Variants in RPL28 observed in about 807,000 individuals in gnomAD.
RPL28 encodes large ribosomal subunit protein eL28.
A neutral mutation model predicts 12.5 loss-of-function variants in RPL28; 4 were observed. The observed-to-expected ratio is 0.32, with a 90% CI of 0.16 to 0.73. The LOEUF (loss-of-function observed/expected upper bound fraction) is 0.73. Ranked by LOEUF, RPL28 falls within the 30% of genes least tolerant of loss-of-function variation. The pLI is 0.66. For missense variants in RPL28, 214 were observed against 197.7 expected, an observed-to-expected ratio of 1.08 and a Z score of -0.49; for synonymous variants, 91 against 72.5, an observed-to-expected ratio of 1.26 and a Z score of -1.30.
At chr19:55,397,854 A>G (rs1331192604) in intron 4 of RPL28, among the ~76,000 whole-genome samples, 1 of 152,040 alleles carries the variant, frequency 6.6e-6, no homozygotes, top group Admixed American at 6.6e-5. Flanking sequence ...CAACATAGTG[A>G]TACCGCATCT....
At position 55,387,146 on chromosome 19, in the gene RPL28, T is replaced by G. The variant is rs577944217; in HGVS notation, c.205+453T>G. 2.9e-5 allele frequency: 37 copies of G among 1,293,176 alleles called. No individual in the cohort carries two copies. The Admixed American group carries it at 3.4e-4, about 12-fold the overall frequency. The allele number at this position is 1,293,176 out of a possible 1,614,324, so 80.1% of individuals were successfully genotyped here. ...CCTGTGTAGGTTAGAGAAGAGGTCTTGGGGACCCCACTCCATACATTGTGC... is the reference window on the plus strand; with the variant it reads ...CCTGTGTAGGTTAGAGAAGAGGTCTGGGGGACCCCACTCCATACATTGTGC... On this transcript the variant is annotated intron_variant, in intron 3 of 4. Transcript: ENST00000344063.
In RPL28 at chr19:55,389,419, C is replaced by A. The variant is rs1569042137; in HGVS notation, c.*1087C>A. 1 of 985,302 alleles carries A rather than the reference C, an allele frequency of 1.0e-6. No homozygotes were observed. Among genetic ancestry groups the A allele is most frequent in the Admixed American group, 6.2e-5 (1 of 16,260 alleles). The allele number at this position is 985,302 out of a possible 1,614,324, so 61.0% of individuals were successfully genotyped here. A position where few individuals can be genotyped will look rare whatever the true frequency, so the allele number is the denominator to read the frequency against. ...TCACATGTTTCCTGGGCACCTAACT[C>A]TGTCAGCCACTGCCAGGGACCAAGG... On this transcript the variant is annotated 3_prime_UTR_variant, in exon 5 of 5. Transcript: ENST00000344063.
Position 55,389,825 on chromosome 19 carries a change from C to T in RPL28, c.*1493C>T, listed in dbSNP as rs542784510. ...TGGTACCTGCTCAGGACCCCCCGCA[C>T]TGTCCCAATCCCACTCAGGCCCACC... On this transcript the variant is annotated 3_prime_UTR_variant, in exon 5 of 5. Transcript: ENST00000344063. The T allele has an allele frequency of 1.9e-4, 191 of 984,650 alleles. No homozygotes were observed. Among genetic ancestry groups the T allele is most frequent in the Non-Finnish European group, 2.2e-4 (183 of 829,396 alleles). The allele number at this position is 984,650 out of a possible 1,614,324, so 61.0% of individuals were successfully genotyped here.
At chr19:55,395,730 A>G (rs369639789), downstream of RPL28, among the ~76,000 whole-genome samples, 22 of 152,188 alleles carry the variant, frequency 1.4e-4, no homozygotes, top group Middle Eastern at 3.4e-3. Context: ...GGCATGAGCC[A>G]CCGCGCCCAG....
chr19:55,389,769 A>G lies in RPL28; in HGVS notation c.*1437A>G. On this transcript the variant is annotated 3_prime_UTR_variant, in exon 5 of 5. Coordinates refer to ENST00000344063, the MANE Select transcript of RPL28 (RefSeq NM_000991.5). ...GTTGGGTCTATTAGCTCAGATTGAG[A>G]GGTGTTGCCTTAAAACTGAGTTGGG... 6.1e-6 allele frequency: 6 copies of G among 985,498 alleles called. No homozygotes were observed. The highest frequency in any genetic ancestry group is 7.2e-6 in the Non-Finnish European group (6 of 830,012). The allele number at this position is 985,498 out of a possible 1,614,324, so 61.0% of individuals were successfully genotyped here. A position where few individuals can be genotyped will look rare whatever the true frequency, so the allele number is the denominator to read the frequency against.
intron 3 of RPL28, chr19:55,387,191 T>TG: frequency 1.4e-6 from 2 of 1,380,724 alleles, no homozygotes; most frequent in Non-Finnish European, 2.0e-6. Context: ...CAGGCCTTTT[T>TG]GGGGATTCCC....
rs45583837 is a variant in RPL28, at chr19:55,391,176, A to G, written c.*2844A>G. 156 of 205,502 alleles carry G rather than the reference A, an allele frequency of 7.6e-4. No individual in the cohort carries two copies. The highest frequency in any genetic ancestry group is 1.3e-3 in the Non-Finnish European group (142 of 112,476). The allele number at this position is 205,502 out of a possible 1,614,324, so 12.7% of individuals were successfully genotyped here. A position where few individuals can be genotyped will look rare whatever the true frequency, so the allele number is the denominator to read the frequency against. ...GAAAGAACCTCCCCCAGGTCATCCT[A>G]TCCCCAAGAGTGATGCCCGGCAGCA... On this transcript the variant is annotated 3_prime_UTR_variant, in exon 5 of 5. Coordinates refer to ENST00000344063, the MANE Select transcript of RPL28 (RefSeq NM_000991.5).
chr19:55,396,404 A>G (rs922943287), downstream of RPL28, among the ~76,000 whole-genome samples: 1 of 150,758 alleles, frequency 6.6e-6, no homozygotes, highest in African/African-American at 2.4e-5. Flanking sequence ...ATGGAAGACT[A>G]CCAGACCCTC....
rs1235994765 is a variant in RPL28, at chr19:55,390,377, G to C, written c.*2045G>C. 3 of 806,438 alleles carry C rather than the reference G, an allele frequency of 3.7e-6. No individual in the cohort carries two copies. The highest frequency in any genetic ancestry group is 4.5e-6 in the Non-Finnish European group (3 of 666,778). The allele number at this position is 806,438 out of a possible 1,614,324, so 50.0% of individuals were successfully genotyped here. A position where few individuals can be genotyped will look rare whatever the true frequency, so the allele number is the denominator to read the frequency against. ...GTGTCACCACACCCAGCTCAGTATT[G>C]TATTTTTAGCAGAGATGGGGTTTCA... On this transcript the variant is annotated 3_prime_UTR_variant, in exon 5 of 5. Transcript: ENST00000344063.
downstream of RPL28, among the ~76,000 whole-genome samples, chr19:55,395,651 G>A (rs1019091758): frequency 2.6e-5 from 4 of 151,364 alleles, no homozygotes; most frequent in East Asian, 2.0e-4. Flanking sequence ...CACTGTGTTA[G>A]CCAGGATGGT....
Position 55,390,021 on chromosome 19 carries a change from T to A in RPL28, c.*1689T>A, listed in dbSNP as rs1201831579. The A allele has an allele frequency of 1.0e-6, 1 of 985,370 alleles. No homozygotes were observed. Among genetic ancestry groups the A allele is most frequent in the African/African-American group, 1.7e-5 (1 of 57,246 alleles). 61.0% of individuals were successfully genotyped at this position (985,370 alleles called of 1,614,324 possible). A position where few individuals can be genotyped will look rare whatever the true frequency, so the allele number is the denominator to read the frequency against. ...GCCCCTTCTCGTGAGGCCTCTCCCC[T>A]GGCACCTGCTTCAGTTGTCCTCCAC... On this transcript the variant is annotated 3_prime_UTR_variant, in exon 5 of 5. Transcript: ENST00000344063.
chr19:55,387,107 T>G, intron 3 of RPL28: 1 of 1,356,072 alleles, frequency 7.4e-7, no homozygotes, highest in Non-Finnish European at 1.0e-6. Flanking sequence ...TGCAGCCATT[T>G]GATTCCCATT....
chr19:55,388,064 G>A lies in RPL28; in HGVS notation c.324+16G>A. 2 of 1,613,676 alleles carry A rather than the reference G, an allele frequency of 1.2e-6. No homozygotes were observed. Among genetic ancestry groups the A allele is most frequent in the East Asian group, 4.5e-5 (2 of 44,830 alleles). On this transcript the variant is annotated intron_variant, in intron 4 of 4. Coordinates refer to ENST00000344063, the MANE Select transcript of RPL28 (RefSeq NM_000991.5). Reference sequence around the variant, plus strand: ...CCTGCGCATGGTGAGCTGGGGTTTGGGGATCAGGCTTGGGGAGACTGGCCA... The same window carrying A: ...CCTGCGCATGGTGAGCTGGGGTTTGAGGATCAGGCTTGGGGAGACTGGCCA...
rs878906590 is a variant in RPL28, at chr19:55,388,237, C to T, written c.325-6C>T. ...GCTGAGCCTTGCTCTGCTCCCCCGC[C>T]CCCAGGCAGCCATCCGCAGGGCCAG... On this transcript the variant is annotated splice_polypyrimidine_tract_variant and splice_region_variant and intron_variant, in intron 4 of 4. Coordinates refer to ENST00000344063, the MANE Select transcript of RPL28 (RefSeq NM_000991.5). 2 of 1,537,282 alleles carry T rather than the reference C, an allele frequency of 1.3e-6. No individual in the cohort carries two copies. Among genetic ancestry groups the T allele is most frequent in the Non-Finnish European group, 1.7e-6 (2 of 1,144,082 alleles).
downstream of RPL28, among the ~76,000 whole-genome samples, chr19:55,393,393 G>A (rs1378734080): frequency 1.3e-5 from 2 of 151,968 alleles, no homozygotes; most frequent in African/African-American, 4.8e-5. Flanking sequence ...CTCCTAGCTG[G>A]TCCCTAGGCT....
intron 4 of RPL28, chr19:55,401,810 A>AC (rs1569048228): frequency 3.7e-6 from 6 of 1,602,988 alleles, no homozygotes; most frequent in Non-Finnish European, 3.4e-6. Flanking sequence ...ACCTACAGGG[A>AC]CCCCCAGGCC....
downstream of RPL28, among the ~76,000 whole-genome samples, chr19:55,396,513 C>CACCCA (rs1569045585): frequency 3.8e-4 from 1 of 2,630 alleles, no homozygotes; most frequent in Non-Finnish European, 1.0e-3. Context: ...CTCCCCTCCC[C>CACCCA]TCCCCACCCC....
chr19:55,387,647 C>G (rs1438171140), intron 3 of RPL28: 2 of 1,390,056 alleles, frequency 1.4e-6, no homozygotes, highest in African/African-American at 1.4e-5. Context: ...TGGATCAGAT[C>G]CTAACTGAAG....
chr19:55,391,574 G>A lies in RPL28; in HGVS notation c.*3242G>A, dbSNP rs1397072807. On this transcript the variant is annotated 3_prime_UTR_variant, in exon 5 of 5. Coordinates refer to ENST00000344063, the MANE Select transcript of RPL28 (RefSeq NM_000991.5). ...CACAGGACATGCTGGCATCTACTGG[G>A]TCAGGGCTCTGCTGCTCGGTGGCTG... 7 of 1,545,574 alleles carry A rather than the reference G, an allele frequency of 4.5e-6. No individual in the cohort carries two copies. The highest frequency in any genetic ancestry group is 6.1e-6 in the Non-Finnish European group (7 of 1,141,984).
Sources: allele counts gnomAD v4.1 joint callset (sites outside exome capture counted in the v4.1 genomes callset), GRCh38; gene constraint gnomAD v4.1.1; transcripts MANE v1.5; gene names NCBI Gene and HGNC (gene_info 2026-07-23, HGNC 2026-07-21).